Variants in TMEFF2 observed in about 807,000 individuals in gnomAD.
TMEFF2 encodes the protein tomoregulin-2.
Under a neutral mutation model 53.8 loss-of-function variants are expected in TMEFF2, and 28 were observed. That is an observed-to-expected ratio of 0.52 (90% CI 0.39 to 0.71). The LOEUF (loss-of-function observed/expected upper bound fraction) is 0.71. Ranked by LOEUF, TMEFF2 falls within the 30% of genes least tolerant of loss-of-function variation. The probability of loss-of-function intolerance (pLI) is 0.00; values close to 1 mark genes in which losing one functional copy is unlikely to be tolerated. For missense variants in TMEFF2, 353 were observed against 455.2 expected (o/e 0.78, Z 2.04); for synonymous variants, 162 against 166.3 (o/e 0.97, Z 0.20).
rs1691820564 is a variant in TMEFF2 at position 191,949,990 on chromosome 2, G to GAGAT, written c.*317_*320dup. 1.8e-6 allele frequency: 2 copies of GAGAT among 1,105,280 alleles called. No homozygotes were observed. The highest frequency in any genetic ancestry group is 2.6e-5 in the South Asian group (1 of 38,490). 68.5% of individuals were successfully genotyped at this position (1,105,280 alleles called of 1,614,324 possible). On this transcript the variant is annotated 3_prime_UTR_variant, in exon 10 of 10. Coordinates refer to ENST00000272771, the MANE Select transcript of TMEFF2 (RefSeq NM_016192.4). ...CTAGTCTGATTATATTTACAGTTAT[G>GAGAT]AGATACCGCAAATTTAAGAATGCCA...
At chr2:192,067,514 G>GT (rs1373543483) in intron 4 of TMEFF2, among the ~76,000 whole-genome samples, 1 of 151,968 alleles carries the variant, frequency 6.6e-6, no homozygotes, top group East Asian at 1.9e-4. Context: ...GAAAATTAAT[G>GT]TGAATAAAGG....
chr2:192,007,856 C>T (rs1424055627), intron 5 of TMEFF2, among the ~76,000 whole-genome samples: 1 of 152,134 alleles, frequency 6.6e-6, no homozygotes, highest in Non-Finnish European at 1.5e-5. Flanking sequence ...AAGGAAGAAT[C>T]ATTAGGGTTT....
intron 4 of TMEFF2, among the ~76,000 whole-genome samples, chr2:192,118,228 A>G (rs1689463340): frequency 6.6e-6 from 1 of 152,026 alleles, no homozygotes; most frequent in Admixed American, 6.6e-5. Flanking sequence ...TAGACTAGAG[A>G]TTTTTTGGTA....
chr2:191,991,066 G>T (rs891805241), intron 7 of TMEFF2, among the ~76,000 whole-genome samples: 1 of 151,952 alleles, frequency 6.6e-6, no homozygotes, highest in Non-Finnish European at 1.5e-5. Flanking sequence ...TATATTTTAT[G>T]TGATCTAAAT....
chr2:192,173,348 T>A (rs894764600), intron 4 of TMEFF2, among the ~76,000 whole-genome samples: 2 of 151,856 alleles, frequency 1.3e-5, no homozygotes, highest in Admixed American at 6.6e-5. Context: ...ATTTTATAAA[T>A]CATTATACAT....
chr2:192,098,553 A>G (rs1456796699), intron 4 of TMEFF2, among the ~76,000 whole-genome samples: 2 of 152,200 alleles, frequency 1.3e-5, no homozygotes, highest in African/African-American at 4.8e-5. Flanking sequence ...CCAAGGTACT[A>G]CCATGTTTTC....
intron 9 of TMEFF2, among the ~76,000 whole-genome samples, chr2:191,952,209 CATAATATGTGCTTACACAA>C (rs1342267651): frequency 7.2e-5 from 11 of 152,296 alleles, no homozygotes; most frequent in South Asian, 4.1e-4. Context: ...GATACACACA[CATAATATGTGCTTACACAA>C]TTCCTAGTGA....
At chr2:191,975,040 A>G (rs1045269058) in intron 7 of TMEFF2, among the ~76,000 whole-genome samples, 4 of 152,062 alleles carry the variant, frequency 2.6e-5, no homozygotes, top group Non-Finnish European at 5.9e-5. Context: ...TGTAATGGTT[A>G]AATAATGTTA....
intron 4 of TMEFF2, among the ~76,000 whole-genome samples, chr2:192,077,306 G>A (rs1688454724): frequency 6.6e-6 from 1 of 152,116 alleles, no homozygotes; most frequent in Non-Finnish European, 1.5e-5. Context: ...AGAAGAAAAT[G>A]CCTCAAGTAC....
chr2:191,978,471 A>G (rs75564865), intron 7 of TMEFF2, among the ~76,000 whole-genome samples: 1 of 151,854 alleles, frequency 6.6e-6, no homozygotes, highest in African/African-American at 2.4e-5. Context: ...AAAAAAAAAA[A>G]GCAATTATAT....
chr2:191,988,207 T>A (rs1440690408), intron 7 of TMEFF2, among the ~76,000 whole-genome samples: 2 of 152,212 alleles, frequency 1.3e-5, no homozygotes, highest in Admixed American at 1.3e-4. Flanking sequence ...ATGTGGACAC[T>A]TTATTAAAAC....
At chr2:192,184,271 A>C in intron 3 of TMEFF2, 83 bp downstream of exon 3, 1 of 1,506,324 alleles carries the variant, frequency 6.6e-7, no homozygotes, top group South Asian at 1.2e-5. Flanking sequence ...TGAATTATTT[A>C]TTGGGAGATA....
chr2:191,964,660 G>A (rs942490476), intron 7 of TMEFF2, among the ~76,000 whole-genome samples: 1 of 151,894 alleles, frequency 6.6e-6, no homozygotes, highest in Non-Finnish European at 1.5e-5. Context: ...GGTAGACCTC[G>A]TTTCCTTTAT....
intron 4 of TMEFF2, among the ~76,000 whole-genome samples, chr2:192,135,775 T>C (rs1284151694): frequency 5.3e-5 from 8 of 151,918 alleles, no homozygotes; most frequent in Non-Finnish European, 1.2e-4. Context: ...ACAAAAGAAG[T>C]GAAGAGGCCC....
At chr2:192,128,219 C>T (rs552722675) in intron 4 of TMEFF2, among the ~76,000 whole-genome samples, 3 of 152,230 alleles carry the variant, frequency 2.0e-5, no homozygotes, top group East Asian at 1.9e-4. Context: ...GCTATTTTTG[C>T]TCAATGTCTA....
chr2:192,094,245 C>G (rs1042536868), intron 4 of TMEFF2, among the ~76,000 whole-genome samples: 1 of 152,120 alleles, frequency 6.6e-6, no homozygotes, highest in Admixed American at 6.6e-5. Flanking sequence ...TGGCTTACAA[C>G]ACAGATAAAA....
At position 192,070,313 on chromosome 2, in the gene TMEFF2, T is replaced by C. The variant is rs182556351; in HGVS notation, c.440-12538A>G. Among the ~76,000 whole-genome samples, 283 of 151,912 alleles carry C rather than the reference T, an allele frequency of 1.9e-3. 3 individuals carry two copies. The highest frequency in any genetic ancestry group is 0.017 in the Middle Eastern group (5 of 294). The stretch of plus-strand genomic sequence containing the variant: ...CTGTGAGTCACACTGATGGAATTAA[T>C]GACAAAATTTTTGAAACTCATGTTT... On this transcript the variant is annotated intron_variant, in intron 4 of 9. Transcript: ENST00000272771.
intron 4 of TMEFF2, chr2:192,177,878 C>T (rs1691089376): frequency 6.6e-6 from 1 of 150,942 alleles, no homozygotes; most frequent in Admixed American, 6.6e-5. Flanking sequence ...AGTTTGACTT[C>T]ATTTCCATTT....
At chr2:191,951,356 C>G (rs1691874318) in intron 9 of TMEFF2, among the ~76,000 whole-genome samples, 1 of 151,444 alleles carries the variant, frequency 6.6e-6, no homozygotes, top group South Asian at 2.1e-4. Flanking sequence ...AATGTCCATA[C>G]TTTTTGTGAC....
Sources: gnomAD v4.1 joint callset for allele counts (sites outside exome capture counted in the v4.1 genomes callset) on GRCh38, gnomAD v4.1.1 for gene constraint, MANE v1.5 for transcripts, NCBI Gene and HGNC (gene_info 2026-07-23, HGNC 2026-07-21) for gene names.